Variants in BRINP3 observed in about 807,000 individuals in gnomAD.
The protein encoded by BRINP3 is BMP/retinoic acid inducible neural specific 3, also known as BMP/retinoic acid-inducible neural-specific protein 3.
Under a neutral mutation model 71.0 loss-of-function variants are expected in BRINP3, and 19 were observed. The observed-to-expected ratio is 0.27, with a 90% CI of 0.19 to 0.39. The LOEUF (loss-of-function observed/expected upper bound fraction) is 0.39, where lower values mean the gene tolerates loss of function less well. Among genes scored for constraint, BRINP3 ranks in the 10% least tolerant of loss-of-function variants. BRINP3 has a pLI of 1.00. For synonymous variants in BRINP3, 380 were observed against 337.7 expected, an observed-to-expected ratio of 1.13 and a Z score of -1.37; for missense variants, 959 against 940.8, an observed-to-expected ratio of 1.02 and a Z score of -0.25.
intron 1 of BRINP3, among the ~76,000 whole-genome samples, chr1:190,468,242 A>T (rs1224586445): frequency 6.6e-6 from 1 of 151,354 alleles, no homozygotes; most frequent in Non-Finnish European, 1.5e-5. Context: ...ATGATAATAA[A>T]CTTATTTACC....
intron 4 of BRINP3, among the ~76,000 whole-genome samples, chr1:190,257,885 G>A (rs557992269): frequency 3.9e-5 from 6 of 152,240 alleles, no homozygotes; most frequent in Admixed American, 1.3e-4. Context: ...ACCTGTATGA[G>A]GTGTCAGTTG....
chr1:190,357,314 G>A (rs570182390), intron 2 of BRINP3, among the ~76,000 whole-genome samples: 13 of 152,060 alleles, frequency 8.5e-5, no homozygotes, highest in African/African-American at 3.1e-4. Context: ...CAAAGGTTTT[G>A]CTTGTAAAGA....
chr1:190,177,329 A>ATTTTTT (rs11307442), intron 6 of BRINP3, among the ~76,000 whole-genome samples: 16 of 98,714 alleles, frequency 1.6e-4, no homozygotes, highest in South Asian at 3.5e-4. Flanking sequence ...TGCCTGGATA[A>ATTTTTT]TTTTTTTTTT....
At chr1:190,147,443 A>T (rs928445885) in intron 7 of BRINP3, among the ~76,000 whole-genome samples, 4 of 152,090 alleles carry the variant, frequency 2.6e-5, no homozygotes, top group African/African-American at 9.7e-5. Flanking sequence ...TCAGAACTAG[A>T]GTTTATAATA....
At chr1:190,257,561 G>A (rs1660780825) in intron 4 of BRINP3, among the ~76,000 whole-genome samples, 1 of 151,996 alleles carries the variant, frequency 6.6e-6, no homozygotes, top group Admixed American at 6.6e-5. Flanking sequence ...GAGGTGCTCT[G>A]GTTTTCATAA....
chr1:190,168,223 AT>A, intron 6 of BRINP3, among the ~76,000 whole-genome samples: 1 of 152,034 alleles, frequency 6.6e-6, no homozygotes, highest in African/African-American at 2.4e-5. Context: ...ATATATATAT[AT>A]ATAAAAAGCA....
intron 4 of BRINP3, among the ~76,000 whole-genome samples, chr1:190,240,008 A>G (rs1431387167): frequency 2.6e-5 from 4 of 151,532 alleles, no homozygotes; most frequent in Non-Finnish European, 5.9e-5. Flanking sequence ...TTTCAAGGCT[A>G]CAATTACTAC....
chr1:190,137,338 G>C (rs1655059571), intron 7 of BRINP3, among the ~76,000 whole-genome samples: 1 of 151,236 alleles, frequency 6.6e-6, no homozygotes, highest in Non-Finnish European at 1.5e-5. Flanking sequence ...CCATGTGAAG[G>C]AAAAATTGAA....
Position 190,261,288 on chromosome 1 carries a change from T to C in BRINP3, c.618+3577A>G, listed in dbSNP as rs1661163223. ...AATTGAATTGAGTCTCGGTAGAAAATAATGACCAACTCTAGACATTACACT... is the reference window on the plus strand; with the variant it reads ...AATTGAATTGAGTCTCGGTAGAAAACAATGACCAACTCTAGACATTACACT... On this transcript the variant is annotated intron_variant, in intron 4 of 7. Coordinates refer to ENST00000367462, the MANE Select transcript of BRINP3 (RefSeq NM_199051.3). 3.3e-5 allele frequency among the ~76,000 whole-genome samples: 5 copies of C among 152,146 alleles called. No individual in the cohort carries two copies. The South Asian group carries it at 1.0e-3, about 32-fold the overall frequency.
chr1:190,337,306 T>A (rs1667354708), intron 2 of BRINP3, among the ~76,000 whole-genome samples: 1 of 152,034 alleles, frequency 6.6e-6, no homozygotes, highest in Non-Finnish European at 1.5e-5. Flanking sequence ...TCTGTGATGG[T>A]TACTATTGTT....
At chr1:190,438,108 A>T (rs890836161) in intron 2 of BRINP3, among the ~76,000 whole-genome samples, 44 of 151,388 alleles carry the variant, frequency 2.9e-4, no homozygotes, top group Non-Finnish European at 4.3e-4. Flanking sequence ...ATAGGGAATA[A>T]TGAATAAAGA....
At chr1:190,435,598 G>A (rs1008113217) in intron 2 of BRINP3, among the ~76,000 whole-genome samples, 1 of 152,014 alleles carries the variant, frequency 6.6e-6, no homozygotes, top group Non-Finnish European at 1.5e-5. Flanking sequence ...ATGTCATGAT[G>A]TATGTTTTTG....
intron 7 of BRINP3, among the ~76,000 whole-genome samples, chr1:190,119,257 T>C (rs1298967333): frequency 7.0e-6 from 1 of 142,230 alleles, no homozygotes; most frequent in Non-Finnish European, 1.5e-5. Context: ...TGTTTTATTT[T>C]TCATTTTATT....
At chr1:190,363,864 A>C (rs542671727) in intron 2 of BRINP3, among the ~76,000 whole-genome samples, 142 of 152,304 alleles carry the variant, frequency 9.3e-4, no homozygotes, top group Non-Finnish European at 1.8e-3. Context: ...TCTACTTTGG[A>C]TGTCCCGAAT....
At chr1:190,428,999 A>C (rs984477803) in intron 2 of BRINP3, among the ~76,000 whole-genome samples, 3 of 152,120 alleles carry the variant, frequency 2.0e-5, no homozygotes, top group African/African-American at 7.2e-5. Context: ...TGCTGAAAAT[A>C]ATGGAGGAAA....
At chr1:190,256,281 G>A (rs1252384602) in intron 4 of BRINP3, among the ~76,000 whole-genome samples, 5 of 151,680 alleles carry the variant, frequency 3.3e-5, no homozygotes, top group Non-Finnish European at 7.4e-5. Context: ...ATGTCGATTA[G>A]GTCTGTTTTA....
intron 6 of BRINP3, among the ~76,000 whole-genome samples, chr1:190,208,004 C>G (rs1212043069): frequency 3.3e-5 from 5 of 152,106 alleles, no homozygotes; most frequent in Admixed American, 1.3e-4. Flanking sequence ...CTGTGTCACC[C>G]AAGCTGGAGT....
chr1:190,363,702 G>A (rs771227265), intron 2 of BRINP3, among the ~76,000 whole-genome samples: 2 of 152,176 alleles, frequency 1.3e-5, no homozygotes, highest in Non-Finnish European at 2.9e-5. Context: ...TCATCTGGGA[G>A]ATAGCAATGG....
chr1:190,290,630 A>T (rs1431407812), intron 2 of BRINP3, among the ~76,000 whole-genome samples: 2 of 152,136 alleles, frequency 1.3e-5, no homozygotes, highest in African/African-American at 4.8e-5. Context: ...CATCATTGAA[A>T]TTGAAATGAT....
Sources: allele counts gnomAD v4.1 joint callset (sites outside exome capture counted in the v4.1 genomes callset), GRCh38; gene constraint gnomAD v4.1.1; transcripts MANE v1.5; gene names NCBI Gene and HGNC (gene_info 2026-07-23, HGNC 2026-07-21).